The following TENM4 variants were observed in gnomAD, a reference collection of about 807,000 sequenced individuals.
The protein encoded by TENM4 is teneurin transmembrane protein 4.
A neutral mutation model predicts 243.3 loss-of-function variants in TENM4; 82 were observed. That is an observed-to-expected ratio of 0.34 (90% CI 0.28 to 0.40). TENM4 has a LOEUF of 0.40. Among genes scored for constraint, TENM4 ranks in the 10% least tolerant of loss-of-function variants. The probability of loss-of-function intolerance (pLI) is 1.00; values close to 1 mark genes in which losing one functional copy is unlikely to be tolerated. For synonymous variants in TENM4, 1,412 were observed against 1,456.3 expected (o/e 0.97, Z 0.69); for missense variants, 3,138 against 3,673.3 (o/e 0.85, Z 3.77).
rs1202448230 is a variant in TENM4 at position 78,655,016 on chromosome 11, G to A, written c.*3042C>T. On this transcript the variant is annotated 3_prime_UTR_variant, in exon 34 of 34. Transcript: ENST00000278550. ...TCTATCGAATGAACAGATTTGGTTG[G>A]TGAGTGTCAAAAGGGCCGGTCCTCT... 6.6e-6 allele frequency: 1 copy of A among 152,338 alleles called. No homozygotes were observed. The highest frequency in any genetic ancestry group is 1.5e-5 in the Non-Finnish European group (1 of 68,188). The allele number at this position is 152,338 out of a possible 1,614,324, so 9.4% of individuals were successfully genotyped here.
intron 1 of TENM4, among the ~76,000 whole-genome samples, chr11:79,327,565 A>C (rs1856993889): frequency 6.6e-6 from 1 of 152,032 alleles, no homozygotes; most frequent in South Asian, 2.1e-4. Flanking sequence ...CCCATTTTAC[A>C]GATAAGAAAA....
chr11:78,669,519 G>T lies in TENM4; in HGVS notation c.6826C>A (p.Leu2276Met). 1 of 1,613,948 alleles carries T rather than the reference G, an allele frequency of 6.2e-7. No individual in the cohort carries two copies. Among genetic ancestry groups the T allele is most frequent in the Middle Eastern group, 1.6e-4 (1 of 6,062 alleles). ...GCCCGGTTGTAGGCCTTGATGAGCA[G>T]GCCAGCTGAGTTGTACTCAAAGATA... ...GDIFEYNSAG[L>M]LIKAYNRAGS... The change falls in exon 32 of 34, where the codon CTG becomes ATG. Residue 2276 changes from leucine (L) to methionine (M), a missense_variant. By Grantham distance (15) the Leu-to-Met change is conservative. Around this residue, in one of 2 missense-constraint regions of TENM4, gnomAD observed 2,467 missense variants for 3,059.1 expected, o/e 0.81. Coordinates refer to ENST00000278550, the MANE Select transcript of TENM4 (RefSeq NM_001098816.3). The surrounding 1 kb of genome is among the most constrained non-coding windows in gnomAD (Gnocchi z 6.4).
At chr11:79,147,695 G>A (rs1345775530) in intron 4 of TENM4, among the ~76,000 whole-genome samples, 1 of 151,942 alleles carries the variant, frequency 6.6e-6, no homozygotes, top group Admixed American at 6.6e-5. Context: ...TATGTACCAG[G>A]TACTAGGTGC....
chr11:78,711,212 G>T (rs1271960915), intron 26 of TENM4, among the ~76,000 whole-genome samples: 1 of 152,170 alleles, frequency 6.6e-6, no homozygotes, highest in East Asian at 1.9e-4. Flanking sequence ...GACACTCCAG[G>T]TATGTGGTAG....
chr11:79,281,525 C>T (rs1856157080), intron 2 of TENM4, among the ~76,000 whole-genome samples: 1 of 152,112 alleles, frequency 6.6e-6, no homozygotes, highest in African/African-American at 2.4e-5. Context: ...AAGTGAAATT[C>T]AGAGTTATCT....
At chr11:79,105,848 G>T (rs1347234640) in intron 4 of TENM4, among the ~76,000 whole-genome samples, 1 of 152,172 alleles carries the variant, frequency 6.6e-6, no homozygotes, top group East Asian at 1.9e-4. Context: ...TATGCCGGGT[G>T]AACTCTACTT....
intron 21 of TENM4, 89 bp downstream of exon 21, chr11:78,732,226 GT>G (rs1013382723): frequency 6.6e-7 from 1 of 1,505,436 alleles, no homozygotes; most frequent in Non-Finnish European, 8.9e-7. Flanking sequence ...CTACAGAGGT[GT>G]TTTTTCTCTT....
At chr11:79,342,360 T>C (rs1857256071) in intron 1 of TENM4, among the ~76,000 whole-genome samples, 1 of 152,108 alleles carries the variant, frequency 6.6e-6, no homozygotes, top group African/African-American at 2.4e-5. Flanking sequence ...ACGGAAGAGA[T>C]AAAGTCCCAT....
At chr11:78,771,732 T>A (rs1024652943) in intron 17 of TENM4, among the ~76,000 whole-genome samples, 2 of 152,194 alleles carry the variant, frequency 1.3e-5, no homozygotes, top group African/African-American at 2.4e-5. Context: ...GGCTTGGGGC[T>A]TTTTCTTAAC....
At chr11:78,850,383 A>C (rs1858507848) in intron 12 of TENM4, among the ~76,000 whole-genome samples, 2 of 152,226 alleles carry the variant, frequency 1.3e-5, no homozygotes, top group Admixed American at 1.3e-4. Flanking sequence ...CATATAATGA[A>C]GGAAGGGTCA....
intron 2 of TENM4, among the ~76,000 whole-genome samples, chr11:79,256,273 G>A (rs1855699673): frequency 6.6e-6 from 1 of 152,182 alleles, no homozygotes. Context: ...CTGGGGTGCT[G>A]CGCTATCTCA....
At chr11:79,120,832 A>T (rs570764053) in intron 4 of TENM4, among the ~76,000 whole-genome samples, 1 of 152,202 alleles carries the variant, frequency 6.6e-6, no homozygotes, top group African/African-American at 2.4e-5. Context: ...ACAACAAATA[A>T]ATAACTTACT....
At chr11:79,058,650 C>A (rs551006017) in intron 6 of TENM4, among the ~76,000 whole-genome samples, 2 of 152,266 alleles carry the variant, frequency 1.3e-5, no homozygotes, top group Non-Finnish European at 2.9e-5. Flanking sequence ...AATGAGATAA[C>A]CTAACTGCTC....
At chr11:79,049,966 G>A (rs1859755786) in intron 6 of TENM4, among the ~76,000 whole-genome samples, 1 of 152,070 alleles carries the variant, frequency 6.6e-6, no homozygotes, top group Non-Finnish European at 1.5e-5. Context: ...CCCTTTTGCT[G>A]TAACAAATAT....
chr11:78,671,601 T>G (rs1259770519), intron 31 of TENM4, among the ~76,000 whole-genome samples: 1 of 152,228 alleles, frequency 6.6e-6, no homozygotes, highest in African/African-American at 2.4e-5. Context: ...TAGAGCAGAA[T>G]AGATTTACTA....
intron 1 of TENM4, among the ~76,000 whole-genome samples, chr11:79,345,063 C>A (rs1857304195): frequency 6.6e-6 from 1 of 152,136 alleles, no homozygotes; most frequent in South Asian, 2.1e-4. Flanking sequence ...ACTGTTCTAA[C>A]TGCAGCTCAC....
In TENM4 at chr11:79,345,974, T is replaced by C. The variant is rs139353066; in HGVS notation, c.-320-48431A>G. ...TTATTGAAATAGATTCTCAGGTCTT[T>C]CTTCAGAAAGAAAAATGTGTAATTA... On this transcript the variant is annotated intron_variant, in intron 1 of 33. Coordinates refer to ENST00000278550, the MANE Select transcript of TENM4 (RefSeq NM_001098816.3). Among the ~76,000 whole-genome samples, 847 of 152,320 alleles carry C rather than the reference T, an allele frequency of 5.6e-3. 7 individuals carry two copies. Among genetic ancestry groups the C allele is most frequent in the African/African-American group, 0.02 (823 of 41,564 alleles).
At chr11:78,951,034 G>A (rs991451757) in intron 6 of TENM4, among the ~76,000 whole-genome samples, 4 of 152,202 alleles carry the variant, frequency 2.6e-5, no homozygotes, top group Admixed American at 6.5e-5. Context: ...TATGTTGCTT[G>A]TCTCCTCCCA....
chr11:78,999,545 C>A (rs898143086), intron 6 of TENM4, among the ~76,000 whole-genome samples: 2 of 151,850 alleles, frequency 1.3e-5, no homozygotes, highest in Non-Finnish European at 2.9e-5. Flanking sequence ...AACAAAAAAA[C>A]CACCAAAGAT....
Sources: gnomAD v4.1 joint callset for allele counts (sites outside exome capture counted in the v4.1 genomes callset) on GRCh38, gnomAD v4.1.1 for gene constraint, gnomAD v4.1.1 regional missense constraint, Gnocchi (gnomAD v3.1) non-coding constraint, MANE v1.5 for transcripts, NCBI Gene and HGNC (gene_info 2026-07-23, HGNC 2026-07-21) for gene names.